The following HDGF variants were observed in gnomAD, a reference collection of about 807,000 sequenced individuals.
HDGF encodes the protein heparin binding growth factor, also known as hepatoma-derived growth factor.
HDGF carries 5 observed loss-of-function variants against 30.0 expected under a neutral mutation model. The ratio of observed to expected loss-of-function variants is 0.17; its 90% CI spans 0.09 to 0.35. The LOEUF (loss-of-function observed/expected upper bound fraction) is 0.35, where lower values mean the gene tolerates loss of function less well. Ranked by LOEUF, HDGF falls within the 10% of genes least tolerant of loss-of-function variation. HDGF has a pLI of 1.00. For synonymous variants in HDGF, 133 were observed against 112.7 expected (o/e 1.18, Z -1.14); for missense variants, 214 against 302.8 (o/e 0.71, Z 2.18).
At chr1:156,762,279 C>G (rs979855695) in intron 1 of HDGF, among the ~76,000 whole-genome samples, 12 of 151,504 alleles carry the variant, frequency 7.9e-5, no homozygotes, top group African/African-American at 2.9e-4. Flanking sequence ...CATGGTGGCT[C>G]ATGCCTATAA....
At chr1:156,759,480 T>C (rs942585281) in intron 1 of HDGF, among the ~76,000 whole-genome samples, 11 of 85,690 alleles carry the variant, frequency 1.3e-4, no homozygotes, top group African/African-American at 4.8e-4. Flanking sequence ...TACCCCATTC[T>C]TTTTTTTTTT....
chr1:156,746,645 G>A (rs1339572082), intron 1 of HDGF, among the ~76,000 whole-genome samples: 1 of 152,166 alleles, frequency 6.6e-6, no homozygotes, highest in Admixed American at 6.5e-5. Context: ...AGAGGCAGTG[G>A]CCTCGCCAGC....
rs935406720 is a variant in HDGF at position 156,743,206 on chromosome 1, A to AG, written c.*242dup. ...GAACACAGTGGCCTCAACTCATTCC[A>AG]GGGAGAAGACATGGCTCTGACTCAG... On this transcript the variant is annotated 3_prime_UTR_variant, in exon 6 of 6. Coordinates refer to ENST00000357325, the MANE Select transcript of HDGF (RefSeq NM_004494.3). 29 of 442,062 alleles carry AG rather than the reference A, an allele frequency of 6.6e-5. No homozygotes were observed. Among genetic ancestry groups the AG allele is most frequent in the Non-Finnish European group, 1.1e-4 (27 of 248,634 alleles). The allele number at this position is 442,062 out of a possible 1,614,324, so 27.4% of individuals were successfully genotyped here.
At chr1:156,759,545 G>A (rs752447960) in intron 1 of HDGF, among the ~76,000 whole-genome samples, 1 of 148,196 alleles carries the variant, frequency 6.7e-6, no homozygotes, top group Non-Finnish European at 1.5e-5. Flanking sequence ...GCAGTGGCGC[G>A]TTTTCCGCTC....
chr1:156,751,557 G>T lies in HDGF; in HGVS notation c.-128C>A. 6.0e-6 allele frequency: 6 copies of T among 993,586 alleles called. No individual in the cohort carries two copies. Among genetic ancestry groups the T allele is most frequent in the Non-Finnish European group, 7.2e-6 (6 of 835,278 alleles). The allele number at this position is 993,586 out of a possible 1,614,324, so 61.5% of individuals were successfully genotyped here. A position where few individuals can be genotyped will look rare whatever the true frequency, so the allele number is the denominator to read the frequency against. On this transcript the variant is annotated 5_prime_UTR_variant, in exon 1 of 6. Transcript: ENST00000357325. The surrounding 1 kb of genome is among the most constrained non-coding windows in gnomAD (Gnocchi z 4.7). The stretch of plus-strand genomic sequence containing the variant: ...GGCCCCCGCCTCGATGGTGGCCCCC[G>T]GCCCGAGCTCCGGCGCGGCCACGGC...
chr1:156,753,846 G>A (rs1002371662), upstream of HDGF, among the ~76,000 whole-genome samples: 14 of 152,132 alleles, frequency 9.2e-5, no homozygotes. Context: ...CACCGTGTCC[G>A]GCCTAGGTCG....
At chr1:156,761,596 G>A (rs1298903976) in intron 1 of HDGF, among the ~76,000 whole-genome samples, 4 of 145,350 alleles carry the variant, frequency 2.8e-5, no homozygotes, top group South Asian at 4.4e-4. Context: ...GCGACAGAGT[G>A]AGACTCTGTC....
At chr1:156,754,521 A>C (rs769284804), upstream of HDGF, among the ~76,000 whole-genome samples, 3 of 152,208 alleles carry the variant, frequency 2.0e-5, no homozygotes, top group African/African-American at 4.8e-5. Flanking sequence ...CTAACAACTA[A>C]GCCAAGAGCT....
At chr1:156,750,600 A>G (rs961721001) in intron 1 of HDGF, 2 of 152,274 alleles carry the variant, frequency 1.3e-5, no homozygotes, top group Non-Finnish European at 2.9e-5. Context: ...ACTAAGAGGC[A>G]GTCTGTACTG....
rs1283466787 is a variant in HDGF, at chr1:156,743,269, T to G, written c.*180A>C. The G allele has an allele frequency of 1.7e-6, 1 of 601,898 alleles. No homozygotes were observed. The highest frequency in any genetic ancestry group is 1.9e-5 in the African/African-American group (1 of 52,322). The allele number at this position is 601,898 out of a possible 1,614,324, so 37.3% of individuals were successfully genotyped here. On this transcript the variant is annotated 3_prime_UTR_variant, in exon 6 of 6. Coordinates refer to ENST00000357325, the MANE Select transcript of HDGF (RefSeq NM_004494.3). Reference sequence around the variant, plus strand: ...TGGGGACCTAGAGGTGAGAGCCAGGTGGCCTGCCCCATCCAGGTCAATCTC... The same window carrying G: ...TGGGGACCTAGAGGTGAGAGCCAGGGGGCCTGCCCCATCCAGGTCAATCTC...
chr1:156,763,512 C>T (rs1651295698), intron 1 of HDGF, among the ~76,000 whole-genome samples: 1 of 151,986 alleles, frequency 6.6e-6, no homozygotes, highest in Non-Finnish European at 1.5e-5. Flanking sequence ...CCATGTCCGG[C>T]CCTCATTCTG....
chr1:156,751,496 G>T lies in HDGF; in HGVS notation c.-67C>A, dbSNP rs972828755. ...AGCGCGAGCCCAAGTTTGCGCGTGC[G>T]GCGGTGGCGGCGCCGCTCCGCTCCG... On this transcript the variant is annotated 5_prime_UTR_variant, in exon 1 of 6. Transcript: ENST00000357325. The surrounding 1 kb of genome is among the most constrained non-coding windows in gnomAD (Gnocchi z 4.7). 2 of 1,228,636 alleles carry T rather than the reference G, an allele frequency of 1.6e-6. No homozygotes were observed. The highest frequency in any genetic ancestry group is 2.1e-6 in the Non-Finnish European group (2 of 974,666). 76.1% of individuals were successfully genotyped at this position (1,228,636 alleles called of 1,614,324 possible). A position where few individuals can be genotyped will look rare whatever the true frequency, so the allele number is the denominator to read the frequency against.
chr1:156,760,342 G>T (rs146370018), intron 1 of HDGF, among the ~76,000 whole-genome samples: 224 of 152,284 alleles, frequency 1.5e-3, no homozygotes, highest in African/African-American at 5.2e-3. Flanking sequence ...GAGGCGTGTG[G>T]GTGAGGGGGG....
At chr1:156,754,812 G>A (rs538850412), upstream of HDGF, among the ~76,000 whole-genome samples, 5 of 152,302 alleles carry the variant, frequency 3.3e-5, no homozygotes, top group African/African-American at 1.2e-4. Context: ...AACTGGGTGT[G>A]TGGCAGGCGC....
intron 1 of HDGF, among the ~76,000 whole-genome samples, chr1:156,762,814 G>C (rs2102741905): frequency 6.6e-6 from 1 of 152,108 alleles, no homozygotes; most frequent in African/African-American, 2.4e-5. Flanking sequence ...GGAGGTTGTG[G>C]TGAGCCGAGA....
At chr1:156,766,619 A>T (rs770522967) in intron 1 of HDGF, among the ~76,000 whole-genome samples, 1 of 152,238 alleles carries the variant, frequency 6.6e-6, no homozygotes, top group Admixed American at 6.5e-5. Flanking sequence ...GACAGATGTA[A>T]GAAAGTCACA....
intron 1 of HDGF, 104 bp from the exon 2 acceptor site, chr1:156,745,477 G>C: frequency 1.1e-6 from 1 of 944,006 alleles, no homozygotes; most frequent in Middle Eastern, 2.2e-4. Context: ...CAGACTGAGA[G>C]GGACCCAGGA....
Position 156,745,085 on chromosome 1 carries a change from G to A in HDGF, c.226C>T (p.Pro76Ser). 6.2e-7 allele frequency: 1 copy of A among 1,613,984 alleles called. No individual in the cohort carries two copies. The stretch of plus-strand genomic sequence containing the variant: ...TCGCTGAACCCTTTCCTCTTGTTGG[G>A]CTTGCCAAACTTCTCCTTGGATTCC... ...YEESKEKFGK[P>S]NKRKGFSEGL... Residue 76 changes from proline to serine, a missense_variant, in exon 3 of 6, where the codon CCC becomes TCC. Pro to Ser is a moderately conservative substitution (Grantham distance 74, BLOSUM62 -1). Coordinates refer to ENST00000357325, the MANE Select transcript of HDGF (RefSeq NM_004494.3).
chr1:156,744,845 C>T (rs2102704055), intron 3 of HDGF, among the ~76,000 whole-genome samples, 163 bp downstream of exon 3: 1 of 152,280 alleles, frequency 6.6e-6, no homozygotes, highest in African/African-American at 2.4e-5. Context: ...CAGCCCAACC[C>T]TATCCCTTCT....
Sources: allele counts gnomAD v4.1 joint callset (sites outside exome capture counted in the v4.1 genomes callset), GRCh38; gene constraint gnomAD v4.1.1; non-coding constraint Gnocchi (gnomAD v3.1); transcripts MANE v1.5; gene names NCBI Gene and HGNC (gene_info 2026-07-23, HGNC 2026-07-21).